CNTN5: variants seen among roughly 807,000 people sequenced by gnomAD.
The protein encoded by CNTN5 is contactin 5.
In CNTN5, 77 loss-of-function variants were observed where a neutral mutation model predicts 129.1. The observed-to-expected ratio is 0.60, with a 90% CI of 0.50 to 0.72. The LOEUF is 0.72. CNTN5 is among the 30% of genes least tolerant of loss of function. CNTN5 has a pLI of 0.00. For synonymous variants in CNTN5, 509 were observed against 465.6 expected (o/e 1.09, Z -1.20); for missense variants, 1,478 against 1,328.8 (o/e 1.11, Z -1.75).
intron 23 of CNTN5, among the ~76,000 whole-genome samples, chr11:100,342,666 C>G (rs116074786): frequency 0.011 from 1,609 of 152,304 alleles, 28 homozygotes; most frequent in African/African-American, 0.037. Flanking sequence ...CCCAAACAGA[C>G]TGAAGTCCTC....
intron 9 of CNTN5, among the ~76,000 whole-genome samples, chr11:100,006,008 C>A (rs2137497069): frequency 6.6e-6 from 1 of 152,142 alleles, no homozygotes; most frequent in African/African-American, 2.4e-5. Context: ...CCAGATGCCA[C>A]AATAAAGCAA....
intron 15 of CNTN5, among the ~76,000 whole-genome samples, chr11:100,205,239 ATC>A (rs1038894827): frequency 2.0e-5 from 3 of 152,032 alleles, no homozygotes; most frequent in Non-Finnish European, 4.4e-5. Context: ...CTCTTTCGGC[ATC>A]TGTTTTGTAT....
chr11:99,255,899 TG>T lies in CNTN5; in HGVS notation c.-209-69446del, dbSNP rs762277511. ...CTCCACTCTGATAAAGCTTTATACT[TG>T]ATATAGTTCAGCAACAGTTCTTTTT... On this transcript the variant is annotated intron_variant, in intron 1 of 24. Transcript: ENST00000524871. 7.9e-5 allele frequency among the ~76,000 whole-genome samples: 12 copies of T among 152,022 alleles called. No homozygotes were observed. The East Asian group carries it at 1.2e-3, about 15-fold the overall frequency.
intron 8 of CNTN5, among the ~76,000 whole-genome samples, chr11:99,972,127 G>T (rs1683552001): frequency 6.6e-6 from 1 of 150,958 alleles, no homozygotes; most frequent in South Asian, 2.1e-4. Flanking sequence ...CGGGCGTGGT[G>T]GCGGGTGCCT....
chr11:99,824,898 T>C (rs1248377123), intron 4 of CNTN5, among the ~76,000 whole-genome samples: 3 of 152,016 alleles, frequency 2.0e-5, no homozygotes, highest in African/African-American at 4.8e-5. Context: ...TTTAATTTTT[T>C]GGAAAACATT....
chr11:99,049,708 C>G (rs1215120356), intron 1 of CNTN5: 1 of 152,128 alleles, frequency 6.6e-6, no homozygotes, highest in Non-Finnish European at 1.5e-5. Flanking sequence ...TCTGCATCCA[C>G]AGTTGGGTGA....
chr11:100,293,334 G>C (rs4143638), intron 18 of CNTN5, among the ~76,000 whole-genome samples: 130,124 of 151,602 alleles, frequency 0.86, 56,264 homozygotes, highest in East Asian at 1. Context: ...ATCTCTTTCA[G>C]AAATTCAAAT....
chr11:100,202,815 T>C (rs1358433738), intron 15 of CNTN5, among the ~76,000 whole-genome samples: 3 of 151,946 alleles, frequency 2.0e-5, no homozygotes, highest in African/African-American at 7.2e-5. Flanking sequence ...GTAAAGGTCC[T>C]CCCTAATGAA....
chr11:100,242,356 C>G (rs530493), intron 16 of CNTN5, among the ~76,000 whole-genome samples: 45,486 of 152,044 alleles, frequency 0.3, 7,682 homozygotes, highest in Non-Finnish European at 0.38. Context: ...TTGTTACTAT[C>G]TGAAATTATC....
chr11:99,316,853 G>C (rs1865363439), intron 1 of CNTN5, among the ~76,000 whole-genome samples: 1 of 152,128 alleles, frequency 6.6e-6, no homozygotes, highest in Non-Finnish European at 1.5e-5. Context: ...CGTGTATAAA[G>C]AAATGATCGC....
At chr11:99,343,765 C>T (rs924470549) in intron 2 of CNTN5, among the ~76,000 whole-genome samples, 41 of 152,026 alleles carry the variant, frequency 2.7e-4, no homozygotes, top group African/African-American at 7.5e-4. Flanking sequence ...GACCACATTT[C>T]GACCTACAAA....
chr11:99,499,400 G>C (rs927977563), intron 2 of CNTN5, among the ~76,000 whole-genome samples: 1 of 152,092 alleles, frequency 6.6e-6, no homozygotes, highest in Non-Finnish European at 1.5e-5. Flanking sequence ...TGCATGCAGC[G>C]TTCAGTCTCT....
chr11:99,124,163 A>G lies in CNTN5; in HGVS notation c.-210+102893A>G, dbSNP rs545119747. ...ATATTGATTCTTCCTGTCTATGAGC[A>G]TGGAATGTTTTTCCACTATTTGTGT... On this transcript the variant is annotated intron_variant, in intron 1 of 24. Coordinates refer to ENST00000524871, the MANE Select transcript of CNTN5 (RefSeq NM_014361.4). 2.0e-5 allele frequency among the ~76,000 whole-genome samples: 3 copies of G among 152,222 alleles called. No homozygotes were observed. The East Asian group carries it at 5.8e-4, about 29-fold the overall frequency.
At chr11:99,626,582 G>A (rs1248708938) in intron 3 of CNTN5, among the ~76,000 whole-genome samples, 1 of 152,062 alleles carries the variant, frequency 6.6e-6, no homozygotes, top group Non-Finnish European at 1.5e-5. Flanking sequence ...AGAGATTGCA[G>A]TGCTGGCTTT....
At chr11:99,159,656 A>G (rs1860509789) in intron 1 of CNTN5, among the ~76,000 whole-genome samples, 1 of 152,150 alleles carries the variant, frequency 6.6e-6, no homozygotes. Flanking sequence ...AAGTATAGTA[A>G]TCTAAAAAAC....
intron 2 of CNTN5, among the ~76,000 whole-genome samples, chr11:99,338,629 G>A (rs1371011511): frequency 6.6e-6 from 1 of 151,852 alleles, no homozygotes; most frequent in Non-Finnish European, 1.5e-5. Context: ...ATTTCATTCT[G>A]CTTTGGCTGA....
rs1181671017 is a variant in CNTN5, at chr11:99,794,267, A to G, written c.56-25277A>G. ...ATCATTGCTTTTTTTTCTGTTTTCCATTTTCTTGGTAGATTTTCCTCCATC... is the reference window on the plus strand; with the variant it reads ...ATCATTGCTTTTTTTTCTGTTTTCCGTTTTCTTGGTAGATTTTCCTCCATC... On this transcript the variant is annotated intron_variant, in intron 3 of 24. Transcript: ENST00000524871. Among the ~76,000 whole-genome samples, 3 of 135,542 alleles carry G rather than the reference A, an allele frequency of 2.2e-5. 1 individual carries two copies. The highest frequency in any genetic ancestry group is 7.5e-3 in the Middle Eastern group (2 of 268). 88.9% of individuals were successfully genotyped at this position (135,542 alleles called of 152,430 possible).
intron 2 of CNTN5, among the ~76,000 whole-genome samples, chr11:99,517,218 G>A (rs79702495): frequency 0.021 from 3,141 of 151,974 alleles, 117 homozygotes; most frequent in African/African-American, 0.071. Flanking sequence ...AAATTTAACC[G>A]GTCATCAAGC....
intron 3 of CNTN5, chr11:99,558,387 G>T: frequency 3.6e-6 from 1 of 275,180 alleles, no homozygotes; most frequent in South Asian, 3.5e-5. Context: ...GTTTTTTGTT[G>T]TTGTTTTGTT....
Sources: allele counts gnomAD v4.1 joint callset (sites outside exome capture counted in the v4.1 genomes callset), GRCh38; gene constraint gnomAD v4.1.1; transcripts MANE v1.5; gene names NCBI Gene and HGNC (gene_info 2026-07-23, HGNC 2026-07-21).